The following TSPAN5 variants were observed in gnomAD, a reference collection of about 807,000 sequenced individuals.
TSPAN5 encodes the protein tetraspanin-5.
TSPAN5 carries 10 observed loss-of-function variants against 37.1 expected under a neutral mutation model. The ratio of observed to expected loss-of-function variants is 0.27; its 90% CI spans 0.17 to 0.46. The LOEUF is 0.46. Ranked by LOEUF, TSPAN5 falls within the 20% of genes least tolerant of loss-of-function variation. TSPAN5 has a pLI of 1.00. For synonymous variants in TSPAN5, 110 were observed against 118.9 expected (o/e 0.93, Z 0.48); for missense variants, 195 against 326.6 (o/e 0.60, Z 3.11).
intron 1 of TSPAN5, among the ~76,000 whole-genome samples, chr4:98,530,178 C>T (rs1789155): frequency 6.6e-6 from 1 of 152,184 alleles, no homozygotes; most frequent in African/African-American, 2.4e-5. Flanking sequence ...ACACACATTG[C>T]CAGGAGCTAA....
At chr4:98,502,262 A>T (rs1753370604) in intron 2 of TSPAN5, among the ~76,000 whole-genome samples, 1 of 152,180 alleles carries the variant, frequency 6.6e-6, no homozygotes, top group Admixed American at 6.5e-5. Flanking sequence ...ATGAGGTTGG[A>T]AGCAAAAATA....
intron 1 of TSPAN5, among the ~76,000 whole-genome samples, chr4:98,590,384 A>C (rs1175711331): frequency 1.3e-5 from 2 of 152,146 alleles, no homozygotes; most frequent in African/African-American, 4.8e-5. Context: ...TAAAGTGGAT[A>C]TTCCCATCTT....
At chr4:98,536,331 T>A (rs1754232468) in intron 1 of TSPAN5, among the ~76,000 whole-genome samples, 1 of 152,192 alleles carries the variant, frequency 6.6e-6, no homozygotes, top group South Asian at 2.1e-4. Flanking sequence ...TGCCTGGGTA[T>A]CACCAGCGGA....
At position 98,482,122 on chromosome 4, in the gene TSPAN5, T is replaced by C. The variant is rs1317793814; in HGVS notation, c.333A>G (p.Leu111=). The change falls in exon 4 of 8, where the codon CTA becomes CTG. Residue 111 remains leucine, a synonymous_variant. Transcript: ENST00000305798. ...IFFLELTAGV[L]AFVFKDWIKD... ...TGATCCAGTCTTTGAAAACAAATGC[T>C]AGAACTCCGGCAGTGAGCTCCAGGA... 6.2e-7 allele frequency: 1 copy of C among 1,614,170 alleles called. No individual in the cohort carries two copies. The highest frequency in any genetic ancestry group is 1.7e-5 in the Admixed American group (1 of 60,020).
intron 1 of TSPAN5, among the ~76,000 whole-genome samples, chr4:98,526,881 T>C (rs942929213): frequency 2.6e-5 from 4 of 152,194 alleles, no homozygotes; most frequent in Non-Finnish European, 5.9e-5. Context: ...TCATGAAGCT[T>C]TTTAGCCTCA....
intron 1 of TSPAN5, among the ~76,000 whole-genome samples, chr4:98,640,139 A>C (rs978179026): frequency 5.9e-5 from 9 of 152,148 alleles, no homozygotes; most frequent in African/African-American, 1.4e-4. Flanking sequence ...CAAAAAAAAA[A>C]CTGTAATCAT....
At chr4:98,559,840 A>C (rs2110167086) in intron 1 of TSPAN5, among the ~76,000 whole-genome samples, 1 of 152,216 alleles carries the variant, frequency 6.6e-6, no homozygotes, top group South Asian at 2.1e-4. Context: ...CCCACAGAAA[A>C]CCAGCAAGCA....
intron 1 of TSPAN5, among the ~76,000 whole-genome samples, chr4:98,597,468 TGTTGCTG>T (rs1320604120): frequency 2.3e-5 from 1 of 42,852 alleles, no homozygotes; most frequent in Non-Finnish European, 3.8e-5. Flanking sequence ...AGCTTTGTTC[TGTTGCTG>T]GTGAGGAACT....
At chr4:98,585,281 C>G (rs1755461520) in intron 1 of TSPAN5, among the ~76,000 whole-genome samples, 1 of 152,086 alleles carries the variant, frequency 6.6e-6, no homozygotes, top group Non-Finnish European at 1.5e-5. Flanking sequence ...AGCCTCCCAC[C>G]TTTGGTAGTC....
chr4:98,566,348 G>C (rs1489582420), intron 1 of TSPAN5, among the ~76,000 whole-genome samples: 1 of 151,748 alleles, frequency 6.6e-6, no homozygotes, highest in Non-Finnish European at 1.5e-5. Flanking sequence ...CCTTATGGCG[G>C]GTGGGGGTGG....
chr4:98,569,389 G>T (rs1755070792), intron 1 of TSPAN5, among the ~76,000 whole-genome samples: 1 of 152,206 alleles, frequency 6.6e-6, no homozygotes, highest in Non-Finnish European at 1.5e-5. Context: ...GTCCTCAGGG[G>T]ACCAAGGATG....
chr4:98,506,689 A>C (rs1213877452), intron 2 of TSPAN5, among the ~76,000 whole-genome samples: 1 of 152,194 alleles, frequency 6.6e-6, no homozygotes, highest in African/African-American at 2.4e-5. Flanking sequence ...TAGAGGGTGA[A>C]ACACCTACGG....
chr4:98,653,592 G>A (rs926104637), intron 1 of TSPAN5, among the ~76,000 whole-genome samples: 2 of 152,074 alleles, frequency 1.3e-5, no homozygotes, highest in Non-Finnish European at 2.9e-5. Context: ...TTACCTAGTA[G>A]TAATGATGCC....
intron 1 of TSPAN5, among the ~76,000 whole-genome samples, chr4:98,508,298 G>A (rs1753523095): frequency 6.6e-6 from 1 of 152,036 alleles, no homozygotes; most frequent in Non-Finnish European, 1.5e-5. Context: ...TAGTTCAGAG[G>A]ACCTCCCACC....
chr4:98,557,942 T>A (rs888289073), intron 1 of TSPAN5, among the ~76,000 whole-genome samples: 2 of 152,144 alleles, frequency 1.3e-5, no homozygotes, highest in Non-Finnish European at 2.9e-5. Flanking sequence ...TACGAAACTG[T>A]CACAGCCAAG....
chr4:98,489,056 A>G (rs1447309273), intron 2 of TSPAN5, among the ~76,000 whole-genome samples: 1 of 152,226 alleles, frequency 6.6e-6, no homozygotes. Context: ...CTTTGGGGAT[A>G]CATGAAGACA....
At chr4:98,512,578 G>A (rs775933286) in intron 1 of TSPAN5, among the ~76,000 whole-genome samples, 2 of 152,184 alleles carry the variant, frequency 1.3e-5, no homozygotes, top group Non-Finnish European at 1.5e-5. Flanking sequence ...TGATGAGGGC[G>A]ATTAGTTACC....
At chr4:98,567,493 A>G (rs927310414) in intron 1 of TSPAN5, among the ~76,000 whole-genome samples, 1 of 152,272 alleles carries the variant, frequency 6.6e-6, no homozygotes, top group Non-Finnish European at 1.5e-5. Flanking sequence ...AAGAACTTTT[A>G]CACAATTGGT....
intron 1 of TSPAN5, among the ~76,000 whole-genome samples, chr4:98,624,896 C>T (rs887635139): frequency 6.7e-6 from 1 of 149,240 alleles, no homozygotes; most frequent in African/African-American, 2.4e-5. Context: ...ACTAACGCCA[C>T]ACTTAAGACT....
Sources: gnomAD v4.1 joint callset for allele counts (sites outside exome capture counted in the v4.1 genomes callset) on GRCh38, gnomAD v4.1.1 for gene constraint, MANE v1.5 for transcripts, NCBI Gene and HGNC (gene_info 2026-07-23, HGNC 2026-07-21) for gene names.